NTRK3: variants seen among roughly 807,000 people sequenced by gnomAD.
The protein encoded by NTRK3 is neurotrophic receptor tyrosine kinase 3.
Under a neutral mutation model 91.7 loss-of-function variants are expected in NTRK3, and 24 were observed. That is an observed-to-expected ratio of 0.26 (90% CI 0.19 to 0.37). The LOEUF is 0.37. Among genes scored for constraint, NTRK3 ranks in the 10% least tolerant of loss-of-function variants. The pLI, the probability that NTRK3 is intolerant of heterozygous loss-of-function variation, is 1.00. For synonymous variants in NTRK3, 483 were observed against 404.0 expected (o/e 1.20, Z -2.34); for missense variants, 880 against 1,068.9 (o/e 0.82, Z 2.46).
In NTRK3 at chr15:87,988,344, A is replaced by T. The variant is rs950939134; in HGVS notation, c.1585+44513T>A. On this transcript the variant is annotated intron_variant, in intron 14 of 18. Coordinates refer to ENST00000394480, the Ensembl canonical transcript of NTRK3. ...TAAGAAGACATGATAACTAAATGTA[A>T]AGTGGTGTTCTGGATGTGGTCCAGG... Among the ~76,000 whole-genome samples, 5 of 152,176 alleles carry T rather than the reference A, an allele frequency of 3.3e-5. No homozygotes were observed. The East Asian group carries it at 9.6e-4, about 29-fold the overall frequency.
intron 3 of NTRK3, among the ~76,000 whole-genome samples, chr15:88,188,975 C>T (rs2047168153): frequency 6.6e-6 from 1 of 152,246 alleles, no homozygotes; most frequent in African/African-American, 2.4e-5. Flanking sequence ...TCACCACTGC[C>T]CTTCCATTCC....
At chr15:87,979,374 A>G (rs1470534091) in intron 14 of NTRK3, 8 of 1,613,812 alleles carry the variant, frequency 5.0e-6, no homozygotes, top group Non-Finnish European at 6.8e-6. Flanking sequence ...TTGCTGAAAT[A>G]AACATTGACA....
intron 13 of NTRK3, among the ~76,000 whole-genome samples, chr15:88,039,092 C>A (rs1350040310): frequency 1.3e-5 from 2 of 148,950 alleles, no homozygotes; most frequent in Non-Finnish European, 3.0e-5. Flanking sequence ...CAAGAGGAGT[C>A]AAGCTTTGAT....
chr15:87,917,114 A>G (rs1179947008), intron 17 of NTRK3, among the ~76,000 whole-genome samples: 1 of 152,228 alleles, frequency 6.6e-6, no homozygotes, highest in Non-Finnish European at 1.5e-5. Flanking sequence ...TCTGAGTCTT[A>G]TAATGTCTGT....
At chr15:88,140,207 C>T (rs921781941) in intron 6 of NTRK3, among the ~76,000 whole-genome samples, 2 of 152,092 alleles carry the variant, frequency 1.3e-5, no homozygotes, top group Non-Finnish European at 2.9e-5. Context: ...AGAAATCCAA[C>T]AATAGTGTAT....
At chr15:88,178,279 T>C (rs1446111990) in intron 5 of NTRK3, among the ~76,000 whole-genome samples, 1 of 152,210 alleles carries the variant, frequency 6.6e-6, no homozygotes, top group East Asian at 1.9e-4. Flanking sequence ...GAAAGAACAT[T>C]GAGTAATTTA....
chr15:88,054,270 T>C (rs2045492271), intron 13 of NTRK3, among the ~76,000 whole-genome samples: 1 of 152,198 alleles, frequency 6.6e-6, no homozygotes, highest in African/African-American at 2.4e-5. Flanking sequence ...AAAGTTAATA[T>C]AAGGTAGACA....
chr15:87,921,288 C>G (rs556160806), intron 17 of NTRK3, among the ~76,000 whole-genome samples: 16 of 152,176 alleles, frequency 1.1e-4, no homozygotes, highest in African/African-American at 3.9e-4. Context: ...GGTCACTGGA[C>G]AACCAGTACA....
intron 13 of NTRK3, among the ~76,000 whole-genome samples, chr15:88,052,652 A>ATT (rs2045331029): frequency 6.6e-6 from 1 of 152,224 alleles, no homozygotes; most frequent in African/African-American, 2.4e-5. Context: ...GATTTATTAT[A>ATT]ATAGTGAGCT....
intron 17 of NTRK3, among the ~76,000 whole-genome samples, chr15:87,912,032 C>T (rs889851049): frequency 6.6e-6 from 1 of 152,196 alleles, no homozygotes; most frequent in Non-Finnish European, 1.5e-5. Context: ...CACCACCTCC[C>T]TTGCTTCTAA....
chr15:88,008,516 T>A (rs2076647660), intron 14 of NTRK3, among the ~76,000 whole-genome samples: 1 of 151,914 alleles, frequency 6.6e-6, no homozygotes, highest in Admixed American at 6.6e-5. Flanking sequence ...TAGGACACAG[T>A]GGTTTCTAAA....
At chr15:88,209,164 G>A (rs1424600035) in intron 3 of NTRK3, among the ~76,000 whole-genome samples, 1 of 152,244 alleles carries the variant, frequency 6.6e-6, no homozygotes, top group Non-Finnish European at 1.5e-5. Flanking sequence ...CAGTGACGAA[G>A]AGGTAGTGAT....
chr15:88,175,477 G>A (rs1481649047), intron 5 of NTRK3, among the ~76,000 whole-genome samples: 1 of 152,154 alleles, frequency 6.6e-6, no homozygotes, highest in Admixed American at 6.5e-5. Flanking sequence ...TATTCACAGA[G>A]TTGTGAATCA....
chr15:88,212,195 C>A (rs545677117), intron 3 of NTRK3, among the ~76,000 whole-genome samples: 7 of 152,024 alleles, frequency 4.6e-5, no homozygotes, highest in African/African-American at 1.7e-4. Context: ...GGTGAAACCC[C>A]GTCTCTATTA....
chr15:88,254,577 G>A (rs911883841), intron 3 of NTRK3, among the ~76,000 whole-genome samples: 1 of 152,160 alleles, frequency 6.6e-6, no homozygotes, highest in Non-Finnish European at 1.5e-5. Flanking sequence ...GGGCTGGTGG[G>A]CTTTCCAAAG....
At chr15:88,010,769 A>G (rs890181841) in intron 14 of NTRK3, among the ~76,000 whole-genome samples, 1 of 147,454 alleles carries the variant, frequency 6.8e-6, no homozygotes. Context: ...CACACACACA[A>G]AATCAAAGTA....
chr15:88,199,181 G>A (rs1029146762), intron 3 of NTRK3, among the ~76,000 whole-genome samples: 8 of 152,082 alleles, frequency 5.3e-5, no homozygotes, highest in African/African-American at 1.7e-4. Context: ...CACTTGGGGG[G>A]CTCAGGGAGC....
chr15:87,972,348 T>C (rs1231364856), intron 14 of NTRK3, among the ~76,000 whole-genome samples: 1 of 152,216 alleles, frequency 6.6e-6, no homozygotes, highest in African/African-American at 2.4e-5. Flanking sequence ...GGTGACATGA[T>C]GTTCTGTCCC....
At chr15:87,893,579 T>G (rs1458409597) in intron 17 of NTRK3, among the ~76,000 whole-genome samples, 1 of 152,208 alleles carries the variant, frequency 6.6e-6, no homozygotes, top group Non-Finnish European at 1.5e-5. Flanking sequence ...CAACTTTTCT[T>G]CAGTTAGAGG....
Sources: allele counts gnomAD v4.1 joint callset (sites outside exome capture counted in the v4.1 genomes callset), GRCh38; gene constraint gnomAD v4.1.1; transcripts MANE v1.5; gene names NCBI Gene and HGNC (gene_info 2026-07-23, HGNC 2026-07-21).